APBA2: variants seen among roughly 807,000 people sequenced by gnomAD.
APBA2 encodes the protein amyloid-beta A4 precursor protein-binding family A member 2.
In APBA2, 30 loss-of-function variants were observed where a neutral mutation model predicts 75.0. The observed-to-expected ratio is 0.40, with a 90% CI of 0.30 to 0.54. APBA2 has a LOEUF of 0.54. Among genes scored for constraint, APBA2 ranks in the 20% least tolerant of loss-of-function variants. APBA2 has a pLI of 0.49. For synonymous variants in APBA2, 444 were observed against 409.6 expected (o/e 1.08, Z -1.01); for missense variants, 801 against 1,016.1 (o/e 0.79, Z 2.88).
chr15:29,045,068 CTT>C (rs1566940628), intron 3 of APBA2, among the ~76,000 whole-genome samples: 2 of 96,660 alleles, frequency 2.1e-5, no homozygotes, highest in African/African-American at 1.5e-4. Context: ...TCCCTCCCTC[CTT>C]CTCTCTCTCT....
intron 3 of APBA2, among the ~76,000 whole-genome samples, chr15:29,009,594 C>T (rs1409983552): frequency 6.6e-6 from 1 of 152,132 alleles, no homozygotes; most frequent in Non-Finnish European, 1.5e-5. Context: ...ACTACCACCA[C>T]CACCTAAAGG....
At chr15:28,905,488 T>G (rs1232100375) in intron 1 of APBA2, among the ~76,000 whole-genome samples, 1 of 152,182 alleles carries the variant, frequency 6.6e-6, no homozygotes, top group Non-Finnish European at 1.5e-5. Context: ...GCTGCCTGGG[T>G]AGGTCAAGGT....
At chr15:28,955,384 TG>T (rs1010069006) in intron 2 of APBA2, among the ~76,000 whole-genome samples, 54 of 152,260 alleles carry the variant, frequency 3.5e-4, no homozygotes, top group African/African-American at 1.3e-3. Flanking sequence ...CTAAGGGTCT[TG>T]CTAAGGTCAT....
At position 29,110,178 on chromosome 15, in the gene APBA2, C is replaced by G. The variant is rs536862372; in HGVS notation, c.2037+1789C>G. On this transcript the variant is annotated intron_variant, in intron 13 of 14. Coordinates refer to ENST00000683413, the MANE Select transcript of APBA2 (RefSeq NM_001353788.2). The stretch of plus-strand genomic sequence containing the variant: ...GGGACATCCTTCTGGGCTACTGCAC[C>G]CCCGACCATCACCAGGCCCTGCCTG... Among the ~76,000 whole-genome samples the G allele has an allele frequency of 2.6e-4, 39 of 152,326 alleles. 1 individual carries two copies. Among genetic ancestry groups the G allele is most frequent in the South Asian group, 1.7e-3 (8 of 4,828 alleles).
At position 28,963,891 on chromosome 15, in the gene APBA2, GTA is replaced by G. The variant is rs58595659; in HGVS notation, c.-94-31860_-94-31859del. Among the ~76,000 whole-genome samples the G allele has an allele frequency of 2.1e-3, 324 of 151,370 alleles. 3 individuals are homozygous for G. Among genetic ancestry groups the G allele is most frequent in the African/African-American group, 7.7e-3 (312 of 40,772 alleles). On this transcript the variant is annotated intron_variant, in intron 2 of 14. Transcript: ENST00000683413. ...TCAGACTCCAGTAGTTATAATGTAT[GTA>G]TGTGTGTGTGTATGTGTGTGATTCT...
rs780215700 is a variant in APBA2 at position 29,093,195 on chromosome 15, C to T, written c.1190C>T (p.Ala397Val). The T allele has an allele frequency of 3.0e-5, 49 of 1,614,120 alleles. No homozygotes were observed. Among genetic ancestry groups the T allele is most frequent in the Non-Finnish European group, 3.8e-5 (45 of 1,180,054 alleles). ...TCCAAAAACATCAGAATGATGCAAG[C>T]GCAGGAGGCCGTCAGCCGGGTCAAG... ...NPSKNIRMMQ[A>V]QEAVSRVKRM... Residue 397 changes from alanine (A) to valine (V), a missense_variant, in exon 7 of 15, where the codon GCG becomes GTG. This residue lies in a region of APBA2 where 367 missense variants were observed against 544.5 expected (regional missense o/e 0.67). Coordinates refer to ENST00000683413, the MANE Select transcript of APBA2 (RefSeq NM_001353788.2).
At chr15:28,925,519 A>C (rs531958923) in intron 2 of APBA2, among the ~76,000 whole-genome samples, 1 of 152,260 alleles carries the variant, frequency 6.6e-6, no homozygotes, top group African/African-American at 2.4e-5. Context: ...GTTTAATTCT[A>C]TTGTAGTCTG....
intron 2 of APBA2, among the ~76,000 whole-genome samples, chr15:28,941,319 C>T (rs1055162280): frequency 3.3e-5 from 5 of 152,122 alleles, no homozygotes; most frequent in African/African-American, 4.8e-5. Flanking sequence ...CCACACTGCC[C>T]GGGAGCTGGT....
At chr15:28,938,524 A>T (rs2035006236) in intron 2 of APBA2, among the ~76,000 whole-genome samples, 1 of 152,130 alleles carries the variant, frequency 6.6e-6, no homozygotes, top group South Asian at 2.1e-4. Flanking sequence ...TTCTTGAGAC[A>T]GCGTGACAGA....
At chr15:29,021,949 T>C (rs2152831184) in intron 3 of APBA2, among the ~76,000 whole-genome samples, 1 of 152,302 alleles carries the variant, frequency 6.6e-6, no homozygotes, top group East Asian at 1.9e-4. Context: ...GTTTCATCCG[T>C]GTGGCTGTAC....
At chr15:29,012,708 G>T (rs2039459827) in intron 3 of APBA2, among the ~76,000 whole-genome samples, 1 of 152,124 alleles carries the variant, frequency 6.6e-6, no homozygotes, top group African/African-American at 2.4e-5. Context: ...CCTTTCCTAA[G>T]ATAGTGGACT....
intron 3 of APBA2, among the ~76,000 whole-genome samples, chr15:29,009,140 C>A (rs2039276679): frequency 6.6e-6 from 1 of 152,132 alleles, no homozygotes; most frequent in Non-Finnish European, 1.5e-5. Flanking sequence ...TTTACAGTAC[C>A]ATGACAGCAG....
intron 4 of APBA2, among the ~76,000 whole-genome samples, chr15:29,060,330 A>G (rs2042077708): frequency 6.6e-6 from 1 of 152,176 alleles, no homozygotes; most frequent in African/African-American, 2.4e-5. Context: ...CGTGTTGCAG[A>G]TGGCACAGTT....
chr15:29,034,616 G>A (rs938253123), intron 3 of APBA2, among the ~76,000 whole-genome samples: 6 of 152,230 alleles, frequency 3.9e-5, no homozygotes, highest in African/African-American at 1.4e-4. Flanking sequence ...TTTGAAGAGT[G>A]ACACTTGGAA....
intron 2 of APBA2, among the ~76,000 whole-genome samples, chr15:28,929,333 CTGGCTATGGGTGGCTGCTAA>C (rs1404828290): frequency 6.6e-6 from 1 of 152,206 alleles, no homozygotes; most frequent in African/African-American, 2.4e-5. Flanking sequence ...GCCAAGCCAC[CTGGCTATGGGTGGCTGCTAA>C]TCCGTAGGAT....
At chr15:29,076,306 G>A (rs2042849021) in intron 6 of APBA2, among the ~76,000 whole-genome samples, 1 of 152,176 alleles carries the variant, frequency 6.6e-6, no homozygotes, top group South Asian at 2.1e-4. Context: ...GCAAGGAACA[G>A]TAGACGATCT....
At chr15:28,961,459 T>A (rs978541334) in intron 2 of APBA2, 1 of 151,896 alleles carries the variant, frequency 6.6e-6, no homozygotes, top group East Asian at 1.9e-4. Context: ...GAGGGTGAAC[T>A]GTGTGGGGCC....
At chr15:28,899,705 G>T (rs1192928828) in intron 1 of APBA2, among the ~76,000 whole-genome samples, 1 of 152,306 alleles carries the variant, frequency 6.6e-6, no homozygotes. Context: ...TCCTGCAAGC[G>T]TGCTATCTGC....
chr15:29,115,709 T>C (rs1306686756), intron 14 of APBA2, among the ~76,000 whole-genome samples: 1 of 152,068 alleles, frequency 6.6e-6, no homozygotes, highest in South Asian at 2.1e-4. Context: ...CGGGGTGGGT[T>C]TCTGGTTGAG....
Sources: gnomAD v4.1 joint callset for allele counts (sites outside exome capture counted in the v4.1 genomes callset) on GRCh38, gnomAD v4.1.1 for gene constraint, gnomAD v4.1.1 regional missense constraint, MANE v1.5 for transcripts, NCBI Gene and HGNC (gene_info 2026-07-23, HGNC 2026-07-21) for gene names.